Variants in SEMA5B observed in about 807,000 individuals in gnomAD.
The protein encoded by SEMA5B is semaphorin 5B.
A neutral mutation model predicts 135.0 loss-of-function variants in SEMA5B; 66 were observed. The ratio of observed to expected loss-of-function variants is 0.49; its 90% CI spans 0.40 to 0.60. The LOEUF is 0.60. SEMA5B is among the 20% of genes least tolerant of loss of function. The probability of loss-of-function intolerance (pLI) is 0.00; values close to 1 mark genes in which losing one functional copy is unlikely to be tolerated. For missense variants in SEMA5B, 1,501 were observed against 1,566.3 expected, an observed-to-expected ratio of 0.96 and a Z score of 0.70; for synonymous variants, 690 against 639.5, an observed-to-expected ratio of 1.08 and a Z score of -1.19.
intron 9 of SEMA5B, among the ~76,000 whole-genome samples, chr3:122,925,794 T>C (rs1161914599): frequency 6.8e-6 from 1 of 146,796 alleles, no homozygotes; most frequent in Non-Finnish European, 1.5e-5. Flanking sequence ...CCAAAGGCTT[T>C]GGGCTGGACA....
chr3:122,976,195 T>C (rs766536780), intron 1 of SEMA5B: 6 of 1,507,092 alleles, frequency 4.0e-6, no homozygotes, highest in Non-Finnish European at 5.3e-6. Flanking sequence ...CTTCTCAAAA[T>C]GTGCTCCTAG....
intron 21 of SEMA5B, 173 bp from the exon 22 acceptor site, chr3:122,911,218 C>A (rs933535114): frequency 5.7e-6 from 6 of 1,045,754 alleles, no homozygotes; most frequent in Non-Finnish European, 8.1e-6. Flanking sequence ...CTGGGGACCT[C>A]TTTCACAAGG....
intron 5 of SEMA5B, among the ~76,000 whole-genome samples, chr3:122,933,621 C>T (rs1939091026): frequency 1.3e-5 from 2 of 152,066 alleles, no homozygotes; most frequent in African/African-American, 4.8e-5. Context: ...TTAGTTCATC[C>T]TTAATTTCTT....
intron 1 of SEMA5B, among the ~76,000 whole-genome samples, chr3:122,969,904 A>G (rs1329351204): frequency 6.6e-6 from 1 of 152,192 alleles, no homozygotes; most frequent in East Asian, 1.9e-4. Flanking sequence ...CTGGGAATTC[A>G]CAACACTTCA....
chr3:122,962,940 G>A (rs972037650), intron 1 of SEMA5B, among the ~76,000 whole-genome samples: 2 of 152,178 alleles, frequency 1.3e-5, no homozygotes, highest in African/African-American at 4.8e-5. Flanking sequence ...CACAATGGGT[G>A]GCTACAGGTC....
At position 122,928,514 on chromosome 3, in the gene SEMA5B, C is replaced by T; in HGVS notation, c.636+3G>A. 4 of 1,554,808 alleles carry T rather than the reference C, an allele frequency of 2.6e-6. No homozygotes were observed. The South Asian group carries it at 3.6e-5, about 14-fold the overall frequency. ...TCAGTCTCCTCCACCCTGAGGTGCC[C>T]ACCTGTCTGCTGGTGCACATGGGGG... On this transcript the variant is annotated splice_donor_region_variant and intron_variant, in intron 7 of 22. Coordinates refer to ENST00000357599, the MANE Select transcript of SEMA5B (RefSeq NM_001031702.4).
At chr3:123,012,258 C>T (rs910872963) in intron 1 of SEMA5B, among the ~76,000 whole-genome samples, 13 of 152,140 alleles carry the variant, frequency 8.5e-5, no homozygotes, top group South Asian at 2.1e-4. Context: ...TTTGAGAATA[C>T]GAAGCAGATC....
chr3:122,942,627 G>A (rs917210919), intron 4 of SEMA5B, among the ~76,000 whole-genome samples: 8 of 152,152 alleles, frequency 5.3e-5, no homozygotes, highest in African/African-American at 1.2e-4. Flanking sequence ...CTCTGCTACC[G>A]CCTGTTTAAA....
chr3:122,922,852 T>G (rs1476718932), intron 10 of SEMA5B, among the ~76,000 whole-genome samples: 1 of 148,584 alleles, frequency 6.7e-6, no homozygotes. Context: ...AAAGTTCTTA[T>G]GATTTCTAAA....
intron 16 of SEMA5B, 37 bp downstream of exon 16, chr3:122,913,492 GTACCC>G: frequency 1.9e-6 from 3 of 1,590,384 alleles, no homozygotes; most frequent in Non-Finnish European, 2.6e-6. Flanking sequence ...CTCGGCTCCA[GTACCC>G]TACACCGCGC....
chr3:122,913,429 G>A lies in SEMA5B; in HGVS notation c.2281-5C>T, dbSNP rs1422417094. On this transcript the variant is annotated splice_region_variant and splice_polypyrimidine_tract_variant and intron_variant, in intron 16 of 22. Coordinates refer to ENST00000357599, the MANE Select transcript of SEMA5B (RefSeq NM_001031702.4). ...GGGGTTGCACGTCTTGAACTCCTGCGGGTGGCGGCAGAGGCAGCTTTAGAA... is the reference window on the plus strand; with the variant it reads ...GGGGTTGCACGTCTTGAACTCCTGCAGGTGGCGGCAGAGGCAGCTTTAGAA... 11 of 1,564,346 alleles carry A rather than the reference G, an allele frequency of 7.0e-6. No individual in the cohort carries two copies. The South Asian group carries it at 8.1e-5, about 11-fold the overall frequency.
intron 1 of SEMA5B, among the ~76,000 whole-genome samples, chr3:123,025,137 C>T (rs1164037305): frequency 6.6e-6 from 1 of 152,216 alleles, no homozygotes; most frequent in Non-Finnish European, 1.5e-5. Context: ...CTGGACCTCT[C>T]GGCTTCTCTG....
chr3:122,992,253 C>G (rs1277761765), intron 1 of SEMA5B, among the ~76,000 whole-genome samples: 2 of 152,344 alleles, frequency 1.3e-5, no homozygotes, highest in African/African-American at 4.8e-5. Context: ...TGAAGCCCAG[C>G]AGCCCACGGG....
rs369410043 is a variant in SEMA5B at position 123,001,476 on chromosome 3, C to T, written c.-39+25988G>A. Among the ~76,000 whole-genome samples the T allele has an allele frequency of 7.9e-4, 121 of 152,284 alleles. 1 individual carries two copies. In the South Asian group the frequency reaches 0.024, roughly 30 times the overall value. ...TCAGGGAAGTGGAGGAATCTTTAAA[C>T]CTTTTTCCCTTCATACTCAATACAT... On this transcript the variant is annotated intron_variant, in intron 1 of 22. Coordinates refer to ENST00000357599, the MANE Select transcript of SEMA5B (RefSeq NM_001031702.4).
chr3:122,960,020 C>G (rs112506704), intron 2 of SEMA5B, among the ~76,000 whole-genome samples: 7 of 152,184 alleles, frequency 4.6e-5, no homozygotes, highest in African/African-American at 1.7e-4. Flanking sequence ...TTCCTCCTCC[C>G]CCTGGGCAGG....
At chr3:122,912,372 G>A (rs1262390219) in intron 18 of SEMA5B, 30 bp from the exon 19 acceptor site, 1 of 1,532,354 alleles carries the variant, frequency 6.5e-7, no homozygotes, top group Non-Finnish European at 8.8e-7. Flanking sequence ...GTGAGGGGCT[G>A]TAGGGGCAGC....
Position 122,911,980 on chromosome 3 carries a change from A to G in SEMA5B, c.2986T>C (p.Ser996Pro), listed in dbSNP as rs35306342. ...CTGCTGTTTCCAGCACAGGCGCTGG[A>G]CCCTGGGAGGAGCTCCTCACAGTGC... ...SRHCEELLPG[S>P]SACAGNSSQS... The change falls in exon 20 of 23, where the codon TCC becomes CCC. Residue 996 changes from serine (S) to proline (P), a missense_variant. By Grantham distance (74) the Ser-to-Pro change is moderately conservative. Around this residue, in one of 2 missense-constraint regions of SEMA5B, gnomAD observed 927 missense variants for 881.6 expected, o/e 1.05. Coordinates refer to ENST00000357599, the MANE Select transcript of SEMA5B (RefSeq NM_001031702.4). The G allele has an allele frequency of 1.5e-3, 2,402 of 1,613,206 alleles. 11 individuals are homozygous for G. Among genetic ancestry groups the G allele is most frequent in the Middle Eastern group, 6.0e-3 (36 of 6,050 alleles).
intron 1 of SEMA5B, among the ~76,000 whole-genome samples, chr3:122,966,591 A>G (rs1288185135): frequency 1.1e-4 from 16 of 149,344 alleles, no homozygotes; most frequent in South Asian, 4.2e-4. Context: ...GTCTCGCTCT[A>G]TCACCCAGGC....
chr3:122,912,852 C>T lies in SEMA5B; in HGVS notation c.2716G>A (p.Ala906Thr). 2 of 1,584,518 alleles carry T rather than the reference C, an allele frequency of 1.3e-6. No homozygotes were observed. The highest frequency in any genetic ancestry group is 8.6e-7 in the Non-Finnish European group (1 of 1,163,718). ...AAEYQDCNPQ[A>T]CPVRGAWSCW... ...TTCCGTGCAGGGTTACCTGGGCAAGCCTGGGGGTTGCAGTCCTGGTACTCG... is the reference window on the plus strand; with the variant it reads ...TTCCGTGCAGGGTTACCTGGGCAAGTCTGGGGGTTGCAGTCCTGGTACTCG... The change falls in exon 18 of 23, where the codon GCT becomes ACT. Residue 906 changes from alanine to threonine, a missense_variant. Physicochemically the swap from Ala to Thr is moderately conservative, Grantham distance 58. Around this residue, in one of 2 missense-constraint regions of SEMA5B, gnomAD observed 927 missense variants for 881.6 expected, o/e 1.05. Transcript: ENST00000357599.
Sources: allele counts gnomAD v4.1 joint callset (sites outside exome capture counted in the v4.1 genomes callset), GRCh38; gene constraint gnomAD v4.1.1; regional missense constraint gnomAD v4.1.1; transcripts MANE v1.5; gene names NCBI Gene and HGNC (gene_info 2026-07-23, HGNC 2026-07-21).